The following PCDHGA9 variants were observed in gnomAD, a reference collection of about 807,000 sequenced individuals.
PCDHGA9 encodes protocadherin gamma subfamily A, 9.
In PCDHGA9, 37 loss-of-function variants were observed where a neutral mutation model predicts 62.5. The observed-to-expected ratio is 0.59, with a 90% CI of 0.46 to 0.78. The LOEUF (loss-of-function observed/expected upper bound fraction) is 0.78. Among genes scored for constraint, PCDHGA9 ranks in the 30% least tolerant of loss-of-function variants. The pLI is 0.00. For synonymous variants in PCDHGA9, 459 were observed against 484.6 expected, an observed-to-expected ratio of 0.95 and a Z score of 0.69; for missense variants, 1,138 against 1,166.2, an observed-to-expected ratio of 0.98 and a Z score of 0.35.
In PCDHGA9 at chr5:141,476,850, A is replaced by G. The variant is rs747333239; in HGVS notation, c.2425-17957A>G. The G allele has an allele frequency of 1.2e-6, 2 of 1,613,836 alleles. No individual in the cohort carries two copies. Among genetic ancestry groups the G allele is most frequent in the Admixed American group, 3.3e-5 (2 of 60,030 alleles). ...GCGAATGACAATGCGCCTGTCTTCA[A>G]CCAGTCCTTGTACCGGGCGCGCGTC... is the stretch of plus-strand genomic sequence containing the variant. On this transcript the variant is annotated intron_variant, in intron 1 of 3. Transcript: ENST00000573521. The surrounding 1 kb of genome is among the most constrained non-coding windows in gnomAD (Gnocchi z 7.6).
At chr5:141,439,183 ACT>A (rs1255299140) in intron 1 of PCDHGA9, among the ~76,000 whole-genome samples, 3 of 145,262 alleles carry the variant, frequency 2.1e-5, no homozygotes, top group Non-Finnish European at 3.0e-5. Context: ...ACATAGTGAG[ACT>A]CTGACAAAAA....
Position 141,404,909 on chromosome 5 carries a change from C to G in PCDHGA9, c.1957C>G (p.Pro653Ala). 6.2e-7 allele frequency: 1 copy of G among 1,613,916 alleles called. No homozygotes were observed. The highest frequency in any genetic ancestry group is 8.5e-7 in the Non-Finnish European group (1 of 1,179,882). The stretch of plus-strand genomic sequence containing the variant: ...GGCTGTACAGGACCATGGCCAGCCC[C>G]CTCTCTCGGCCACTGTCACGCTCAC... ...VVAVQDHGQP[P>A]LSATVTLTVA... The change falls in exon 1 of 4, where the codon CCT becomes GCT. Residue 653 changes from proline to alanine, a missense_variant. Transcript: ENST00000573521.
At chr5:141,500,475 C>T (rs1193752670) in intron 2 of PCDHGA9, among the ~76,000 whole-genome samples, 1 of 152,024 alleles carries the variant, frequency 6.6e-6, no homozygotes, top group African/African-American at 2.4e-5. Flanking sequence ...TCCCAAAGTG[C>T]TGGGATTACA....
At position 141,410,559 on chromosome 5, in the gene PCDHGA9, G is replaced by A. The variant is rs1239897819; in HGVS notation, c.2424+5183G>A. 9.9e-6 allele frequency: 16 copies of A among 1,612,722 alleles called. No individual in the cohort carries two copies. Among genetic ancestry groups the A allele is most frequent in the African/African-American group, 5.3e-5 (4 of 74,894 alleles). On this transcript the variant is annotated intron_variant, in intron 1 of 3. Transcript: ENST00000573521. ...GACATGGTTTGCAGTGTTTCTCCTG[G>A]AGCCTTAATTCCACCTCATGGTGGG...
intron 3 of PCDHGA9, among the ~76,000 whole-genome samples, chr5:141,505,995 C>T (rs1041284805): frequency 5.3e-5 from 8 of 152,142 alleles, no homozygotes; most frequent in African/African-American, 1.4e-4. Flanking sequence ...CCTCTTTATG[C>T]GAGGCTCCTC....
At chr5:141,447,238 C>T (rs1028683423) in intron 1 of PCDHGA9, among the ~76,000 whole-genome samples, 1 of 152,148 alleles carries the variant, frequency 6.6e-6, no homozygotes, top group Non-Finnish European at 1.5e-5. Context: ...CTCCCGGGTT[C>T]AAGTGATTCT....
intron 1 of PCDHGA9, chr5:141,419,517 G>A: frequency 6.2e-7 from 1 of 1,612,224 alleles, no homozygotes; most frequent in South Asian, 1.1e-5. Context: ...GTGTTGGTGG[G>A]CGACCGTAAC....
intron 1 of PCDHGA9, among the ~76,000 whole-genome samples, chr5:141,448,146 C>G (rs1375402473): frequency 6.6e-6 from 1 of 151,942 alleles, no homozygotes; most frequent in Non-Finnish European, 1.5e-5. Flanking sequence ...ATACCTCAGA[C>G]TCACCCCTGA....
chr5:141,437,247 C>T (rs2097870457), intron 1 of PCDHGA9, among the ~76,000 whole-genome samples: 2 of 152,090 alleles, frequency 1.3e-5, no homozygotes, highest in Non-Finnish European at 2.9e-5. Context: ...AAGGACTTTC[C>T]TTGTCTTTTT....
chr5:141,421,533 C>T (rs80184002), intron 1 of PCDHGA9: 1 of 1,614,044 alleles, frequency 6.2e-7, no homozygotes, highest in African/African-American at 1.3e-5. Flanking sequence ...CGGTGTCCTC[C>T]TGTTTTTTAA....
intron 3 of PCDHGA9, among the ~76,000 whole-genome samples, chr5:141,507,500 A>G (rs2099861039): frequency 6.6e-6 from 1 of 152,206 alleles, no homozygotes; most frequent in Admixed American, 6.5e-5. Flanking sequence ...GAGCTGTCCC[A>G]GGTCTGGTGG....
At chr5:141,408,479 G>A in intron 1 of PCDHGA9, 1 of 1,614,074 alleles carries the variant, frequency 6.2e-7, no homozygotes, top group Non-Finnish European at 8.5e-7. Flanking sequence ...AATAGACCGT[G>A]AGCAAATATG....
chr5:141,413,024 C>A, intron 1 of PCDHGA9: 2 of 736,250 alleles, frequency 2.7e-6, no homozygotes, highest in Non-Finnish European at 4.2e-6. Flanking sequence ...ACAAGCCCCA[C>A]AAACCGGCTG....
rs1408248560 is a variant in PCDHGA9 at position 141,475,829 on chromosome 5, G to C, written c.2425-18978G>C. On this transcript the variant is annotated intron_variant, in intron 1 of 3. Coordinates refer to ENST00000573521, the MANE Select transcript of PCDHGA9 (RefSeq NM_018921.3). ...AAAGTGAAGTTCCTGGCGCTAGCGC[G>C]TGTCCTGCTCAGAGAGCCCGGCGCT... The C allele has an allele frequency of 1.0e-5, 4 of 386,748 alleles. No individual in the cohort carries two copies. In the South Asian group the frequency reaches 1.4e-4, roughly 14 times the overall value. The allele number at this position is 386,748 out of a possible 1,614,324, so 24.0% of individuals were successfully genotyped here. A position where few individuals can be genotyped will look rare whatever the true frequency, so the allele number is the denominator to read the frequency against.
chr5:141,487,968 T>C lies in PCDHGA9; in HGVS notation c.2425-6839T>C, dbSNP rs2099670029. Among the ~76,000 whole-genome samples the C allele has an allele frequency of 6.6e-6, 1 of 152,236 alleles. No individual in the cohort carries two copies. The highest frequency in any genetic ancestry group is 1.5e-5 in the Non-Finnish European group (1 of 68,050). On this transcript the variant is annotated intron_variant, in intron 1 of 3. Transcript: ENST00000573521. This position sits in a 1 kb window ranked among gnomAD's most constrained non-coding sequence, Gnocchi z 5.0. The stretch of plus-strand genomic sequence containing the variant: ...AGGCAGTCACTTGGACAAAGGTGGC[T>C]GTTTTCTCTACTCTTCCTGAAAGAG...
In PCDHGA9 at chr5:141,510,950, C is replaced by T. The variant is rs770587030; in HGVS notation, c.2576C>T (p.Ala859Val). 1.2e-6 allele frequency: 2 copies of T among 1,614,126 alleles called. No homozygotes were observed. The highest frequency in any genetic ancestry group is 2.2e-5 in the South Asian group (2 of 91,078). ...QAMILASASE[A>V]ADGSSTLGGG... Reference sequence around the variant, plus strand: ...TGATCTTCCTCTGTCTCTGCAGAAGCTGCTGATGGGAGCTCCACCCTGGGA... The same window carrying T: ...TGATCTTCCTCTGTCTCTGCAGAAGTTGCTGATGGGAGCTCCACCCTGGGA... The change falls in exon 4 of 4, where the codon GCT (alanine) becomes GTT (valine). Residue 859 changes from alanine (A) to valine (V), a missense_variant. Physicochemically the swap from Ala to Val is moderately conservative, Grantham distance 64. Transcript: ENST00000573521.
rs1554116833 is a variant in PCDHGA9, at chr5:141,423,756, G to GGT, written c.2424+18381_2424+18382insTG. 2.2e-4 allele frequency: 100 copies of GGT among 448,536 alleles called. 2 individuals carry two copies. The highest frequency in any genetic ancestry group is 2.1e-3 in the African/African-American group (74 of 35,668). The allele number at this position is 448,536 out of a possible 1,614,324, so 27.8% of individuals were successfully genotyped here. On this transcript the variant is annotated intron_variant, in intron 1 of 3. Coordinates refer to ENST00000573521, the MANE Select transcript of PCDHGA9 (RefSeq NM_018921.3). ...GCCTGTTATGAAAACTGTTTGGGGG[G>GGT]GGGGTGGGGCGGCATATATTTAGTT...
chr5:141,444,238 C>T (rs1011385887), intron 1 of PCDHGA9, among the ~76,000 whole-genome samples: 6 of 125,052 alleles, frequency 4.8e-5, no homozygotes, highest in Non-Finnish European at 9.4e-5. Context: ...ATGGCATGCT[C>T]TCGGCTCACT....
Position 141,431,374 on chromosome 5 carries a change from GGCT to G in PCDHGA9, c.2424+26002_2424+26004del, listed in dbSNP as rs752583215. The G allele has an allele frequency of 1.7e-4, 275 of 1,613,980 alleles. No individual in the cohort carries two copies. Among genetic ancestry groups the G allele is most frequent in the Non-Finnish European group, 2.0e-4 (238 of 1,180,036 alleles). On this transcript the variant is annotated intron_variant, in intron 1 of 3. Coordinates refer to ENST00000573521, the MANE Select transcript of PCDHGA9 (RefSeq NM_018921.3). This position sits in a 1 kb window ranked among gnomAD's most constrained non-coding sequence, Gnocchi z 4.8. Reference sequence around the variant, plus strand: ...AACGCGCCCTGGACCGCGAAGAAAAGGCTGCTCACCACCTGGTCCTTACGGCCT... The same window carrying G: ...AACGCGCCCTGGACCGCGAAGAAAAGGCTCACCACCTGGTCCTTACGGCCT...
Sources: allele counts gnomAD v4.1 joint callset (sites outside exome capture counted in the v4.1 genomes callset), GRCh38; gene constraint gnomAD v4.1.1; non-coding constraint Gnocchi (gnomAD v3.1); transcripts MANE v1.5; gene names NCBI Gene and HGNC (gene_info 2026-07-23, HGNC 2026-07-21).